AFG1L: variants seen among roughly 807,000 people sequenced by gnomAD.
AFG1L encodes AFG1 like ATPase, also known as AFG1-like ATPase.
A neutral mutation model predicts 62.2 loss-of-function variants in AFG1L; 53 were observed. The ratio of observed to expected loss-of-function variants is 0.85; its 90% CI spans 0.68 to 1.07. The LOEUF (loss-of-function observed/expected upper bound fraction) is 1.07, where lower values mean the gene tolerates loss of function less well. Ranked by LOEUF, AFG1L falls within the 50% of genes least tolerant of loss-of-function variation. The pLI, the probability that AFG1L is intolerant of heterozygous loss-of-function variation, is 0.00. For synonymous variants in AFG1L, 228 were observed against 210.3 expected (o/e 1.08, Z -0.73); for missense variants, 555 against 590.5 (o/e 0.94, Z 0.62).
intron 1 of AFG1L, among the ~76,000 whole-genome samples, chr6:108,311,134 C>T (rs747074397): frequency 1.3e-5 from 2 of 152,190 alleles, no homozygotes; most frequent in African/African-American, 2.4e-5. Flanking sequence ...TCTGCCTCAC[C>T]GGGCTCCCTT....
intron 11 of AFG1L, among the ~76,000 whole-genome samples, chr6:108,518,901 G>T (rs142700954): frequency 6.6e-6 from 1 of 152,204 alleles, no homozygotes; most frequent in Non-Finnish European, 1.5e-5. Context: ...CAGCAAAAGC[G>T]TAACTAACCT....
chr6:108,332,330 C>T (rs911720743), intron 2 of AFG1L, among the ~76,000 whole-genome samples: 1 of 152,144 alleles, frequency 6.6e-6, no homozygotes, highest in Non-Finnish European at 1.5e-5. Context: ...CCCTATTCAA[C>T]AGGAACTATT....
chr6:108,477,051 A>T, intron 9 of AFG1L, 116 bp downstream of exon 9: 1 of 1,053,634 alleles, frequency 9.5e-7, no homozygotes. Flanking sequence ...CTCAAGTGGC[A>T]GTCATTGTAT....
At chr6:108,400,297 C>T (rs1454510883) in intron 6 of AFG1L, among the ~76,000 whole-genome samples, 4 of 151,704 alleles carry the variant, frequency 2.6e-5, no homozygotes, top group African/African-American at 7.3e-5. Flanking sequence ...TTCAGTTTTC[C>T]CCCATTTCGT....
intron 2 of AFG1L, among the ~76,000 whole-genome samples, chr6:108,343,309 A>G (rs1208685240): frequency 6.6e-6 from 1 of 151,876 alleles, no homozygotes; most frequent in Non-Finnish European, 1.5e-5. Context: ...GGGCCTCCCA[A>G]AGTGTTAGGA....
intron 11 of AFG1L, among the ~76,000 whole-genome samples, chr6:108,512,735 T>A (rs1236982642): frequency 6.7e-6 from 1 of 149,002 alleles, no homozygotes; most frequent in Non-Finnish European, 1.5e-5. Context: ...GAAAAAAGAA[T>A]TTTTCTGGCA....
chr6:108,384,804 A>C (rs1004175637), intron 6 of AFG1L, among the ~76,000 whole-genome samples: 6 of 152,124 alleles, frequency 3.9e-5, no homozygotes. Context: ...ATCTTATATA[A>C]AAATTCACTT....
chr6:108,299,045 G>C (rs1369685667), intron 1 of AFG1L, among the ~76,000 whole-genome samples: 2 of 152,120 alleles, frequency 1.3e-5, no homozygotes, highest in Admixed American at 1.3e-4. Flanking sequence ...CGGATCACCT[G>C]AGGTCAGGAG....
At chr6:108,367,744 A>G (rs1041094775) in intron 6 of AFG1L, among the ~76,000 whole-genome samples, 1 of 152,298 alleles carries the variant, frequency 6.6e-6, no homozygotes, top group East Asian at 1.9e-4. Flanking sequence ...ATCAGTCCTC[A>G]AGGAGGCAGG....
intron 8 of AFG1L, among the ~76,000 whole-genome samples, chr6:108,474,904 T>A (rs1773049111): frequency 1.3e-5 from 2 of 152,234 alleles, no homozygotes; most frequent in Admixed American, 6.5e-5. Context: ...TAGATCCCAT[T>A]TGTCAATTTT....
chr6:108,413,236 A>G (rs1465118854), intron 7 of AFG1L, among the ~76,000 whole-genome samples: 2 of 152,240 alleles, frequency 1.3e-5, no homozygotes, highest in Non-Finnish European at 2.9e-5. Context: ...ATATGTATGC[A>G]CTCAATACGG....
chr6:108,470,219 C>T (rs1772830908), intron 8 of AFG1L, among the ~76,000 whole-genome samples: 1 of 152,220 alleles, frequency 6.6e-6, no homozygotes, highest in Non-Finnish European at 1.5e-5. Context: ...GAACACTTCC[C>T]TCATCACTTG....
intron 6 of AFG1L, among the ~76,000 whole-genome samples, chr6:108,376,033 A>G (rs1473119783): frequency 6.6e-6 from 1 of 152,000 alleles, no homozygotes; most frequent in Non-Finnish European, 1.5e-5. Context: ...TTCTGATTCA[A>G]TCTTGGGAGA....
intron 8 of AFG1L, among the ~76,000 whole-genome samples, chr6:108,458,375 GTTTC>G (rs1772329530): frequency 6.6e-6 from 1 of 152,008 alleles, no homozygotes; most frequent in African/African-American, 2.4e-5. Flanking sequence ...ATTTTGGGTA[GTTTC>G]TTTTGCAGTG....
intron 7 of AFG1L, among the ~76,000 whole-genome samples, chr6:108,415,168 A>C (rs930024950): frequency 1.3e-5 from 2 of 152,228 alleles, no homozygotes; most frequent in African/African-American, 4.8e-5. Context: ...ACTCCCATTC[A>C]CAGTTGCTTC....
At chr6:108,446,743 A>G (rs999793532) in intron 7 of AFG1L, among the ~76,000 whole-genome samples, 1 of 152,070 alleles carries the variant, frequency 6.6e-6, no homozygotes, top group Non-Finnish European at 1.5e-5. Context: ...GACAAACACA[A>G]TCTGCCTGTC....
In AFG1L at chr6:108,414,326, C is replaced by T. The variant is rs377653662; in HGVS notation, c.807+12272C>T. On this transcript the variant is annotated intron_variant, in intron 7 of 12. Transcript: ENST00000368977. ...GTCCAGGACCAGATGGATTCACAGCCGAATTCTACCAGAGGTACAAAGAGG... is the reference window on the plus strand; with the variant it reads ...GTCCAGGACCAGATGGATTCACAGCTGAATTCTACCAGAGGTACAAAGAGG... Among the ~76,000 whole-genome samples the T allele has an allele frequency of 5.6e-4, 85 of 152,084 alleles. 2 individuals are homozygous for T. The highest frequency in any genetic ancestry group is 1.0e-3 in the South Asian group (5 of 4,826).
At chr6:108,453,414 A>G (rs537089698) in intron 8 of AFG1L, among the ~76,000 whole-genome samples, 8 of 152,232 alleles carry the variant, frequency 5.3e-5, no homozygotes, top group Non-Finnish European at 8.8e-5. Flanking sequence ...CTTGGGAAAT[A>G]TCTATTCCAA....
chr6:108,401,977 TATC>T lies in AFG1L; in HGVS notation c.749-16_749-14del. On this transcript the variant is annotated splice_polypyrimidine_tract_variant and intron_variant, in intron 6 of 12. Coordinates refer to ENST00000368977, the MANE Select transcript of AFG1L (RefSeq NM_145315.5). ...TGATTTAGGCTAAGCAAAAAACTAA[TATC>T]ATTTTTTTCTTTCAGATCTCTATAA... The T allele has an allele frequency of 8.2e-7, 1 of 1,212,524 alleles. No individual in the cohort carries two copies. Among genetic ancestry groups the T allele is most frequent in the Non-Finnish European group, 1.2e-6 (1 of 847,132 alleles). The allele number at this position is 1,212,524 out of a possible 1,614,324, so 75.1% of individuals were successfully genotyped here.
Sources: allele counts gnomAD v4.1 joint callset (sites outside exome capture counted in the v4.1 genomes callset), GRCh38; gene constraint gnomAD v4.1.1; transcripts MANE v1.5; gene names NCBI Gene and HGNC (gene_info 2026-07-23, HGNC 2026-07-21).